DENND1B: variants seen among roughly 807,000 people sequenced by gnomAD.
DENND1B encodes the protein DENN domain-containing protein 1B.
Under a neutral mutation model 90.1 loss-of-function variants are expected in DENND1B, and 59 were observed. The observed-to-expected ratio is 0.65, with a 90% CI of 0.53 to 0.81. The LOEUF (loss-of-function observed/expected upper bound fraction) is 0.81, where lower values mean the gene tolerates loss of function less well. DENND1B is among the 40% of genes least tolerant of loss of function. The pLI is 0.00. For missense variants in DENND1B, 862 were observed against 912.6 expected (o/e 0.94, Z 0.71); for synonymous variants, 337 against 324.6 (o/e 1.04, Z -0.41).
intron 15 of DENND1B, among the ~76,000 whole-genome samples, chr1:197,569,682 A>T (rs1234712746): frequency 1.3e-5 from 2 of 152,106 alleles, no homozygotes; most frequent in African/African-American, 4.8e-5. Flanking sequence ...ATGCTAAGTA[A>T]AATAAGCCAG....
At chr1:197,625,156 A>T (rs889778699) in intron 10 of DENND1B, among the ~76,000 whole-genome samples, 4 of 152,050 alleles carry the variant, frequency 2.6e-5, no homozygotes, top group Admixed American at 1.3e-4. Context: ...TTCAGGAAAT[A>T]CAGAGAACGC....
chr1:197,776,029 C>T (rs1046157757), upstream of DENND1B, among the ~76,000 whole-genome samples: 9 of 152,206 alleles, frequency 5.9e-5, no homozygotes, highest in African/African-American at 2.2e-4. Context: ...CACTTGTCTG[C>T]GCATGTGGGA....
At chr1:197,635,906 C>T (rs987147461) in intron 10 of DENND1B, among the ~76,000 whole-genome samples, 1 of 151,534 alleles carries the variant, frequency 6.6e-6, no homozygotes, top group East Asian at 1.9e-4. Context: ...ATTGTTAAAA[C>T]CTTCTATGGA....
chr1:197,665,181 C>G (rs1459734228), intron 5 of DENND1B, among the ~76,000 whole-genome samples: 1 of 151,836 alleles, frequency 6.6e-6, no homozygotes, highest in African/African-American at 2.4e-5. Context: ...AATTTTTTTT[C>G]TGAAAGGTGA....
intron 18 of DENND1B, among the ~76,000 whole-genome samples, chr1:197,545,233 C>T (rs546574979): frequency 3.3e-5 from 5 of 151,990 alleles, no homozygotes; most frequent in East Asian, 3.9e-4. Flanking sequence ...GATGAAACCC[C>T]GTTTCTACTA....
At chr1:197,572,774 C>A (rs1673289897) in intron 15 of DENND1B, among the ~76,000 whole-genome samples, 1 of 152,194 alleles carries the variant, frequency 6.6e-6, no homozygotes, top group Non-Finnish European at 1.5e-5. Flanking sequence ...CTCAGGCAAA[C>A]AGGCTCTGGA....
intron 16 of DENND1B, among the ~76,000 whole-genome samples, chr1:197,548,437 T>C (rs1670976194): frequency 6.6e-6 from 1 of 152,164 alleles, no homozygotes; most frequent in Non-Finnish European, 1.5e-5. Flanking sequence ...ATAATAGTCA[T>C]TGTCCTTCAG....
At chr1:197,558,459 G>A (rs998983274) in intron 15 of DENND1B, among the ~76,000 whole-genome samples, 1 of 151,688 alleles carries the variant, frequency 6.6e-6, no homozygotes, top group Non-Finnish European at 1.5e-5. Context: ...TGCTTTCGGA[G>A]ATGACAAGGA....
intron 10 of DENND1B, among the ~76,000 whole-genome samples, chr1:197,625,378 G>C (rs555303399): frequency 6.6e-6 from 1 of 151,742 alleles, no homozygotes; most frequent in Non-Finnish European, 1.5e-5. Context: ...TTAAAGAAAA[G>C]AATTTTCAAC....
chr1:197,715,707 A>AAT (rs1212722008), intron 2 of DENND1B, among the ~76,000 whole-genome samples: 2 of 151,864 alleles, frequency 1.3e-5, no homozygotes, highest in Non-Finnish European at 2.9e-5. Flanking sequence ...TCTAGTAATT[A>AAT]ATATATATAA....
rs374969184 is a variant in DENND1B, at chr1:197,575,902, G to A, written c.1149+7250C>T. Among the ~76,000 whole-genome samples, 145 of 152,176 alleles carry A rather than the reference G, an allele frequency of 9.5e-4. 4 individuals are homozygous for A. In the South Asian group the frequency reaches 0.029, roughly 31 times the overall value. ...AACAATGAGAACACTTGGACACAGGGCGGGAACATCACACACCAGGGCCTG... is the reference window on the plus strand; with the variant it reads ...AACAATGAGAACACTTGGACACAGGACGGGAACATCACACACCAGGGCCTG... On this transcript the variant is annotated intron_variant, in intron 15 of 22. Coordinates refer to ENST00000620048, the MANE Select transcript of DENND1B (RefSeq NM_001195215.2).
chr1:197,553,256 T>C (rs1671406359), intron 15 of DENND1B, 144 bp from the exon 16 acceptor site: 1 of 584,210 alleles, frequency 1.7e-6, no homozygotes, highest in South Asian at 3.4e-5. Context: ...ATATATGGTG[T>C]ATATATACAC....
intron 20 of DENND1B, among the ~76,000 whole-genome samples, chr1:197,520,253 C>T (rs915437161): frequency 6.6e-6 from 1 of 151,804 alleles, no homozygotes; most frequent in African/African-American, 2.4e-5. Context: ...TGCTGTGAAG[C>T]ATAACAAAAT....
At chr1:197,731,814 G>A (rs1558455150) in intron 2 of DENND1B, among the ~76,000 whole-genome samples, 1 of 151,916 alleles carries the variant, frequency 6.6e-6, no homozygotes, top group Non-Finnish European at 1.5e-5. Flanking sequence ...GGTTGGACAA[G>A]CTTGCTATAC....
chr1:197,642,798 A>G lies in DENND1B; in HGVS notation c.585T>C (p.Val195=). The G allele has an allele frequency of 6.2e-7, 1 of 1,613,244 alleles. No homozygotes were observed. The highest frequency in any genetic ancestry group is 1.1e-5 in the South Asian group (1 of 90,954). The change falls in exon 10 of 23, where the codon GTT becomes GTC. Residue 195 remains valine, a synonymous_variant. Coordinates refer to ENST00000620048, the MANE Select transcript of DENND1B (RefSeq NM_001195215.2). ...GCAGCATGTTGTTCACATCCACGGC[A>G]ACAAAATATTCTGTAAGATTTCTCT... ...PESRNLTEYF[V]AVDVNNMLQL...
At chr1:197,551,739 G>A (rs1262043835) in intron 16 of DENND1B, among the ~76,000 whole-genome samples, 2 of 152,060 alleles carry the variant, frequency 1.3e-5, no homozygotes, top group South Asian at 2.1e-4. Context: ...TGTAAATACC[G>A]AATAGATGCC....
chr1:197,558,938 T>C (rs991738789), intron 15 of DENND1B, among the ~76,000 whole-genome samples: 5 of 152,054 alleles, frequency 3.3e-5, no homozygotes, highest in African/African-American at 7.2e-5. Flanking sequence ...GTTTCAAATA[T>C]GTAATATAAA....
chr1:197,606,295 A>G (rs1323265512), intron 13 of DENND1B: 2 of 151,032 alleles, frequency 1.3e-5, no homozygotes, highest in African/African-American at 4.8e-5. Flanking sequence ...CGCAAGATCA[A>G]AGACCAGAAG....
intron 15 of DENND1B, among the ~76,000 whole-genome samples, chr1:197,566,601 A>C (rs1220303367): frequency 6.6e-6 from 1 of 152,098 alleles, no homozygotes; most frequent in Non-Finnish European, 1.5e-5. Context: ...ATTCCTTATA[A>C]TAGGGAATCA....
Sources: allele counts gnomAD v4.1 joint callset (sites outside exome capture counted in the v4.1 genomes callset), GRCh38; gene constraint gnomAD v4.1.1; transcripts MANE v1.5; gene names NCBI Gene and HGNC (gene_info 2026-07-23, HGNC 2026-07-21).